Variants in SLC9A9 observed in about 807,000 individuals in gnomAD.
SLC9A9 encodes solute carrier family 9 member A9.
In SLC9A9, 62 loss-of-function variants were observed where a neutral mutation model predicts 77.8. The observed-to-expected ratio is 0.80, with a 90% confidence interval of 0.65 to 0.98. The LOEUF is 0.98. SLC9A9 is among the 50% of genes least tolerant of loss of function. SLC9A9 has a pLI of 0.00. For missense variants in SLC9A9, 775 were observed against 774.9 expected (o/e 1.00, Z 0.00); for synonymous variants, 320 against 283.5 (o/e 1.13, Z -1.29).
intron 2 of SLC9A9, among the ~76,000 whole-genome samples, chr3:143,819,218 G>A (rs1385709107): frequency 6.6e-6 from 1 of 152,196 alleles, no homozygotes; most frequent in Non-Finnish European, 1.5e-5. Context: ...TGTGAGACTA[G>A]AATACCATAA....
At chr3:143,478,799 T>C (rs1418595232) in intron 11 of SLC9A9, among the ~76,000 whole-genome samples, 1 of 152,230 alleles carries the variant, frequency 6.6e-6, no homozygotes. Context: ...GTTAATAGTT[T>C]TCTAAGGTTT....
In SLC9A9 at chr3:143,418,694, C is replaced by A. The variant is rs186991890; in HGVS notation, c.1470-36580G>T. Among the ~76,000 whole-genome samples, 411 of 152,184 alleles carry A rather than the reference C, an allele frequency of 2.7e-3. 5 individuals are homozygous for A. The South Asian group carries it at 0.045, about 17-fold the overall frequency. The stretch of plus-strand genomic sequence containing the variant: ...ATAAATTGTATGTCTAAGGGAAGGG[C>A]AAAATGAACCTTCTAGAGAAACCTA... On this transcript the variant is annotated intron_variant, in intron 12 of 15. Transcript: ENST00000316549.
intron 6 of SLC9A9, among the ~76,000 whole-genome samples, chr3:143,636,240 T>A (rs2038518232): frequency 6.6e-6 from 1 of 152,192 alleles, no homozygotes; most frequent in African/African-American, 2.4e-5. Flanking sequence ...GTTATTCTAA[T>A]TATGTTAGAT....
At chr3:143,672,987 T>C (rs892847453) in intron 5 of SLC9A9, among the ~76,000 whole-genome samples, 1 of 152,150 alleles carries the variant, frequency 6.6e-6, no homozygotes, top group African/African-American at 2.4e-5. Flanking sequence ...CTTCAGATTA[T>C]CAACACCATC....
intron 4 of SLC9A9, among the ~76,000 whole-genome samples, chr3:143,784,240 A>T (rs2007973757): frequency 6.6e-6 from 1 of 152,180 alleles, no homozygotes; most frequent in Non-Finnish European, 1.5e-5. Context: ...TACCATAAAA[A>T]CTTAGTGAGT....
Position 143,832,222 on chromosome 3 carries a change from C to T in SLC9A9, c.176-1G>A, listed in dbSNP as rs566028488. The stretch of plus-strand genomic sequence containing the variant: ...CGTAAAATTAGTCCCATTATAAGGC[C>T]TAAAAAAAAAAGAATAAATAATGGT... On this transcript the variant is annotated splice_acceptor_variant, in intron 1 of 15. Transcript: ENST00000316549. LOFTEE classifies it high-confidence loss of function. 1 of 1,605,456 alleles carries T rather than the reference C, an allele frequency of 6.2e-7. No individual in the cohort carries two copies. Among genetic ancestry groups the T allele is most frequent in the Non-Finnish European group, 8.5e-7 (1 of 1,176,248 alleles).
intron 14 of SLC9A9, among the ~76,000 whole-genome samples, chr3:143,334,001 G>T (rs997166812): frequency 2.0e-5 from 3 of 152,110 alleles, no homozygotes; most frequent in Admixed American, 2.0e-4. Context: ...GAATAGTTTT[G>T]CTTTTATTAA....
At chr3:143,381,316 T>C (rs1445338430) in intron 13 of SLC9A9, 1 of 152,488 alleles carries the variant, frequency 6.6e-6, no homozygotes, top group African/African-American at 2.4e-5. Context: ...TGGGTCTCAC[T>C]AGATCTGATG....
chr3:143,494,081 A>G (rs894511486), intron 10 of SLC9A9, among the ~76,000 whole-genome samples: 4 of 152,244 alleles, frequency 2.6e-5, no homozygotes, highest in African/African-American at 9.6e-5. Context: ...CTGCTGTAAA[A>G]TGTGAGGCAG....
intron 12 of SLC9A9, among the ~76,000 whole-genome samples, chr3:143,409,578 T>C (rs371899922): frequency 2.2e-4 from 33 of 152,354 alleles, no homozygotes; most frequent in African/African-American, 7.7e-4. Context: ...AAATATACTT[T>C]GCCTGAAGCT....
chr3:143,593,554 T>C (rs1487225913), intron 6 of SLC9A9, among the ~76,000 whole-genome samples: 2 of 151,714 alleles, frequency 1.3e-5, no homozygotes, highest in African/African-American at 4.9e-5. Flanking sequence ...TTAGGAAACA[T>C]GCAAATAGAA....
At chr3:143,580,206 A>T (rs918940634) in intron 6 of SLC9A9, among the ~76,000 whole-genome samples, 11 of 152,300 alleles carry the variant, frequency 7.2e-5, no homozygotes, top group African/African-American at 2.6e-4. Context: ...CAAGGCTGTG[A>T]TGCTTGATGT....
intron 12 of SLC9A9, among the ~76,000 whole-genome samples, chr3:143,456,996 T>G (rs953168995): frequency 3.3e-5 from 5 of 152,178 alleles, no homozygotes; most frequent in Non-Finnish European, 7.4e-5. Flanking sequence ...TTGTTTGTAG[T>G]ATTCCCTTAT....
At chr3:143,329,618 G>A (rs536871147) in intron 14 of SLC9A9, among the ~76,000 whole-genome samples, 23 of 152,306 alleles carry the variant, frequency 1.5e-4, no homozygotes, top group African/African-American at 5.1e-4. Flanking sequence ...GCTGCAGTCC[G>A]CCCATCGTCT....
intron 4 of SLC9A9, among the ~76,000 whole-genome samples, chr3:143,786,682 A>G (rs1320116283): frequency 6.6e-6 from 1 of 152,156 alleles, no homozygotes; most frequent in Non-Finnish European, 1.5e-5. Flanking sequence ...TACTTGACAG[A>G]TTAGAGATTA....
At chr3:143,440,939 A>C (rs1217958285) in intron 12 of SLC9A9, among the ~76,000 whole-genome samples, 1 of 152,144 alleles carries the variant, frequency 6.6e-6, no homozygotes, top group Non-Finnish European at 1.5e-5. Context: ...CTTGAGGGCA[A>C]CTTTATTTGG....
At chr3:143,787,777 AG>A (rs1347399655) in intron 4 of SLC9A9, among the ~76,000 whole-genome samples, 6 of 152,036 alleles carry the variant, frequency 3.9e-5, no homozygotes, top group African/African-American at 1.4e-4. Context: ...CTCATATGTA[AG>A]TGGGTCCGTA....
intron 7 of SLC9A9, among the ~76,000 whole-genome samples, chr3:143,578,100 G>A (rs1228566164): frequency 6.6e-6 from 1 of 152,186 alleles, no homozygotes; most frequent in Non-Finnish European, 1.5e-5. Flanking sequence ...CTATAAAGTA[G>A]CTGTGGATGC....
At chr3:143,689,396 A>G (rs1933384194) in intron 5 of SLC9A9, among the ~76,000 whole-genome samples, 2 of 152,024 alleles carry the variant, frequency 1.3e-5, no homozygotes, top group South Asian at 4.2e-4. Flanking sequence ...AATTAGAAAG[A>G]TGATTATTAT....
Sources: gnomAD v4.1 joint callset for allele counts (sites outside exome capture counted in the v4.1 genomes callset) on GRCh38, gnomAD v4.1.1 for gene constraint, MANE v1.5 for transcripts, NCBI Gene and HGNC (gene_info 2026-07-23, HGNC 2026-07-21) for gene names.